Variants in CREBBP observed in about 807,000 individuals in gnomAD.
CREBBP encodes the protein CREB binding lysine acetyltransferase.
Under a neutral mutation model 265.0 loss-of-function variants are expected in CREBBP, and 19 were observed. The observed-to-expected ratio is 0.07, with a 90% CI of 0.05 to 0.11. CREBBP has a LOEUF of 0.11. Among genes scored for constraint, CREBBP ranks in the 10% least tolerant of loss-of-function variants. CREBBP has a pLI of 1.00. For synonymous variants in CREBBP, 1,457 were observed against 1,223.7 expected, an observed-to-expected ratio of 1.19 and a Z score of -3.98; for missense variants, 2,525 against 3,219.0, an observed-to-expected ratio of 0.78 and a Z score of 5.22.
chr16:3,766,122 A>G (rs1276303374), intron 16 of CREBBP, among the ~76,000 whole-genome samples: 2 of 151,636 alleles, frequency 1.3e-5, no homozygotes, highest in African/African-American at 4.9e-5. Flanking sequence ...GTGTCAATTG[A>G]AAAAAAAATC....
chr16:3,849,431 GTGTGTGTGTGTGTGT>G (rs1567360225), intron 2 of CREBBP, among the ~76,000 whole-genome samples: 492 of 14,436 alleles, frequency 0.034, 32 homozygotes, highest in Non-Finnish European at 0.076. Flanking sequence ...GTGTGTGTGT[GTGTGTGTGTGTGTGT>G]GTGTGTGTGT....
intron 1 of CREBBP, among the ~76,000 whole-genome samples, chr16:3,860,022 G>C (rs973328657): frequency 6.6e-6 from 1 of 152,138 alleles, no homozygotes; most frequent in African/African-American, 2.4e-5. Context: ...ATGGTGGGGG[G>C]CGGGGGCAGT....
chr16:3,832,621 G>A (rs1014742447), intron 2 of CREBBP, among the ~76,000 whole-genome samples: 6 of 152,144 alleles, frequency 3.9e-5, no homozygotes, highest in African/African-American at 1.4e-4. Flanking sequence ...GGAGGCAACT[G>A]TAACAAAATT....
At chr16:3,758,585 C>A (rs2052639561) in intron 17 of CREBBP, among the ~76,000 whole-genome samples, 1 of 152,206 alleles carries the variant, frequency 6.6e-6, no homozygotes, top group Non-Finnish European at 1.5e-5. Context: ...AAAAGTGACA[C>A]AAGGCCCCAA....
chr16:3,736,323 G>A, intron 27 of CREBBP, 120 bp from the exon 28 acceptor site: 1 of 1,060,376 alleles, frequency 9.4e-7, no homozygotes, highest in Middle Eastern at 2.7e-4. Flanking sequence ...CCATGCATGT[G>A]TGCCCCCCCA....
chr16:3,767,703 A>G lies in CREBBP; in HGVS notation c.3250+17T>C, dbSNP rs1463887868. On this transcript the variant is annotated intron_variant, in intron 16 of 30. Transcript: ENST00000262367. ...AAAAGCAGCATGCTTTAATAAGGTA[A>G]TGAATAAATGGCCTACTTTTTTTGC... 6.8e-6 allele frequency: 11 copies of G among 1,614,160 alleles called. No homozygotes were observed. Among genetic ancestry groups the G allele is most frequent in the Non-Finnish European group, 8.5e-6 (10 of 1,180,052 alleles).
intron 3 of CREBBP, among the ~76,000 whole-genome samples, chr16:3,804,651 T>C (rs1218818851): frequency 6.6e-6 from 1 of 152,264 alleles, no homozygotes; most frequent in African/African-American, 2.4e-5. Context: ...TACTCGGTTC[T>C]TCTAAAAGTC....
intron 3 of CREBBP, among the ~76,000 whole-genome samples, chr16:3,799,008 G>C (rs1253829966): frequency 1.3e-5 from 2 of 152,146 alleles, no homozygotes; most frequent in African/African-American, 4.8e-5. Flanking sequence ...CGTAAAAAGG[G>C]AAGTAACCAC....
intron 1 of CREBBP, among the ~76,000 whole-genome samples, chr16:3,857,606 G>A (rs1023202808): frequency 3.3e-5 from 5 of 152,190 alleles, no homozygotes; most frequent in Non-Finnish European, 7.3e-5. Context: ...TAAGGTTCAC[G>A]ATTGACAGCG....
chr16:3,809,215 C>G (rs925530560), intron 3 of CREBBP, among the ~76,000 whole-genome samples: 1 of 151,614 alleles, frequency 6.6e-6, no homozygotes, highest in African/African-American at 2.4e-5. Context: ...TCTTGCTCTG[C>G]CACCCAGGCT....
At chr16:3,739,868 C>T (rs1194306947) in intron 24 of CREBBP, 144 bp from the exon 25 acceptor site, 17 of 1,133,556 alleles carry the variant, frequency 1.5e-5, no homozygotes, top group Non-Finnish European at 2.2e-5. Flanking sequence ...GGAGTCCTCC[C>T]TATGGGCCAG....
chr16:3,838,230 C>T (rs943278678), intron 2 of CREBBP, among the ~76,000 whole-genome samples: 2 of 152,110 alleles, frequency 1.3e-5, no homozygotes, highest in African/African-American at 2.4e-5. Context: ...ATTGTGGCAC[C>T]GTGTTACAAC....
At position 3,770,618 on chromosome 16, in the gene CREBBP, T is replaced by C. The variant is rs775305252; in HGVS notation, c.2832A>G (p.Ser944=). The stretch of plus-strand genomic sequence containing the variant: ...GCACAGGCGTCGGCTGTTGCTGCGA[T>C]GACTGAGGGGTAGCCACAGACGGGG... The part of the protein sequence containing the change: ...VQPPSVATPQ[S]SQQQPTPVHA... The change falls in exon 14 of 31, where the codon TCA becomes TCG. Residue 944 remains serine (S), a synonymous_variant. Transcript: ENST00000262367. 45 of 1,613,792 alleles carry C rather than the reference T, an allele frequency of 2.8e-5. No individual in the cohort carries two copies.
intron 1 of CREBBP, among the ~76,000 whole-genome samples, chr16:3,862,936 CA>C (rs1420382732): frequency 6.6e-6 from 1 of 152,146 alleles, no homozygotes; most frequent in Non-Finnish European, 1.5e-5. Context: ...AGGGTCCATC[CA>C]GGGGGACTCT....
intron 16 of CREBBP, among the ~76,000 whole-genome samples, chr16:3,762,832 TGGCGCG>T (rs1183644297): frequency 6.6e-6 from 1 of 151,164 alleles, no homozygotes; most frequent in African/African-American, 2.4e-5. Context: ...TGGAGTGCAG[TGGCGCG>T]ATCTCGGCTC....
chr16:3,752,392 T>C (rs981484634), intron 19 of CREBBP, among the ~76,000 whole-genome samples: 2 of 152,094 alleles, frequency 1.3e-5, no homozygotes, highest in Non-Finnish European at 2.9e-5. Context: ...ATTTCCGGTA[T>C]TAAGCCAGAT....
intron 2 of CREBBP, among the ~76,000 whole-genome samples, chr16:3,831,458 A>C (rs2054340967): frequency 6.6e-6 from 1 of 152,346 alleles, no homozygotes; most frequent in Admixed American, 6.5e-5. Flanking sequence ...TTATTGCCCA[A>C]ATGTTAATAT....
At chr16:3,840,747 A>G (rs2054550154) in intron 2 of CREBBP, 2 of 154,914 alleles carry the variant, frequency 1.3e-5, no homozygotes, top group Non-Finnish European at 2.9e-5. Context: ...ATCCTCAGGG[A>G]AATCAGAGAT....
At position 3,774,122 on chromosome 16, in the gene CREBBP, T is replaced by C. The variant is rs554328536; in HGVS notation, c.2284-192A>G. 5.3e-5 allele frequency among the ~76,000 whole-genome samples: 8 copies of C among 152,310 alleles called. 1 individual carries two copies. Among genetic ancestry groups the C allele is most frequent in the African/African-American group, 1.9e-4 (8 of 41,558 alleles). On this transcript the variant is annotated intron_variant, in intron 12 of 30. Transcript: ENST00000262367. Reference sequence around the variant, plus strand: ...CGCGCTCCTGGGCACCTTACACACTTTCTCAGGCAATCTCTCAAATGAGCC... The same window carrying C: ...CGCGCTCCTGGGCACCTTACACACTCTCTCAGGCAATCTCTCAAATGAGCC...
Sources: allele counts gnomAD v4.1 joint callset (sites outside exome capture counted in the v4.1 genomes callset), GRCh38; gene constraint gnomAD v4.1.1; transcripts MANE v1.5; gene names NCBI Gene and HGNC (gene_info 2026-07-23, HGNC 2026-07-21).